HS6ST3: variants seen among roughly 807,000 people sequenced by gnomAD.
The protein encoded by HS6ST3 is heparan-sulfate 6-O-sulfotransferase 3.
Under a neutral mutation model 36.7 loss-of-function variants are expected in HS6ST3, and 12 were observed. That is an observed-to-expected ratio of 0.33 (90% CI 0.21 to 0.53). The LOEUF is 0.53. Ranked by LOEUF, HS6ST3 falls within the 20% of genes least tolerant of loss-of-function variation. HS6ST3 has a pLI of 0.95. For synonymous variants in HS6ST3, 240 were observed against 257.5 expected, an observed-to-expected ratio of 0.93 and a Z score of 0.65; for missense variants, 584 against 640.9, an observed-to-expected ratio of 0.91 and a Z score of 0.96.
chr13:96,591,185 T>G (rs184054042), intron 1 of HS6ST3, among the ~76,000 whole-genome samples: 19 of 152,230 alleles, frequency 1.2e-4, no homozygotes, highest in Admixed American at 1.1e-3. Context: ...CTGAGTCTTT[T>G]GTGGTTCCAC....
chr13:96,583,711 C>G (rs551511176), intron 1 of HS6ST3, among the ~76,000 whole-genome samples: 1 of 152,206 alleles, frequency 6.6e-6, no homozygotes, highest in East Asian at 1.9e-4. Context: ...GTGCTCTTTG[C>G]TTAGAATGCT....
At chr13:96,545,269 A>G (rs1277803051) in intron 1 of HS6ST3, among the ~76,000 whole-genome samples, 1 of 152,208 alleles carries the variant, frequency 6.6e-6, no homozygotes, top group Non-Finnish European at 1.5e-5. Context: ...TTATCCCCAT[A>G]AAAATGGAGT....
At chr13:96,768,410 C>T (rs1566448959) in intron 1 of HS6ST3, among the ~76,000 whole-genome samples, 1 of 152,170 alleles carries the variant, frequency 6.6e-6, no homozygotes, top group South Asian at 2.1e-4. Flanking sequence ...TTTAAGTACA[C>T]GTATAAGCCT....
At chr13:96,121,507 A>T (rs548536348) in intron 1 of HS6ST3, among the ~76,000 whole-genome samples, 12 of 152,222 alleles carry the variant, frequency 7.9e-5, no homozygotes, top group Admixed American at 1.3e-4. Flanking sequence ...AACTTCTTTG[A>T]TGCTATCAAA....
intron 1 of HS6ST3, among the ~76,000 whole-genome samples, chr13:96,704,704 A>AT (rs886394656): frequency 6.6e-5 from 10 of 152,256 alleles, no homozygotes; most frequent in Admixed American, 6.5e-4. Context: ...GATGAAAACT[A>AT]TAAAAACTGG....
intron 1 of HS6ST3, among the ~76,000 whole-genome samples, chr13:96,209,093 T>A (rs578125769): frequency 9.2e-5 from 14 of 152,298 alleles, no homozygotes; most frequent in African/African-American, 3.1e-4. Context: ...CAATTGTAAA[T>A]AAGTTTTGAA....
chr13:96,311,157 G>A (rs2054939290), intron 1 of HS6ST3, among the ~76,000 whole-genome samples: 1 of 152,166 alleles, frequency 6.6e-6, no homozygotes. Flanking sequence ...CCACATTTAT[G>A]AAAAGAATCC....
In HS6ST3 at chr13:96,443,352, A is replaced by C. The variant is rs1006998810; in HGVS notation, c.707+351783A>C. 2.0e-5 allele frequency among the ~76,000 whole-genome samples: 3 copies of C among 152,118 alleles called. No individual in the cohort carries two copies. In the East Asian group the frequency reaches 5.8e-4, roughly 29 times the overall value. ...GAGACCATCCTGGCTAACATGGTGA[A>C]ACCCTGGCTCTACTAAAATTACAAA... On this transcript the variant is annotated intron_variant, in intron 1 of 1. Coordinates refer to ENST00000376705, the MANE Select transcript of HS6ST3 (RefSeq NM_153456.4).
chr13:96,503,215 C>CAGG (rs2056012542), intron 1 of HS6ST3, among the ~76,000 whole-genome samples: 1 of 152,108 alleles, frequency 6.6e-6, no homozygotes, highest in Non-Finnish European at 1.5e-5. Context: ...CCTATTCCTC[C>CAGG]TCCTTCTCCT....
intron 1 of HS6ST3, among the ~76,000 whole-genome samples, chr13:96,297,603 T>G (rs2054861277): frequency 2.0e-5 from 3 of 152,176 alleles, no homozygotes; most frequent in Non-Finnish European, 4.4e-5. Flanking sequence ...AATCATTCTC[T>G]GTGCCCTTGT....
At chr13:96,354,667 A>T (rs1375315614) in intron 1 of HS6ST3, among the ~76,000 whole-genome samples, 1 of 152,202 alleles carries the variant, frequency 6.6e-6, no homozygotes, top group African/African-American at 2.4e-5. Context: ...CATTACAACA[A>T]TGTAAATTGC....
At chr13:96,356,779 A>G (rs1041261499) in intron 1 of HS6ST3, among the ~76,000 whole-genome samples, 9 of 152,220 alleles carry the variant, frequency 5.9e-5, no homozygotes, top group Non-Finnish European at 1.2e-4. Context: ...ATTAGACTCT[A>G]ACAAGAGAGT....
intron 1 of HS6ST3, among the ~76,000 whole-genome samples, chr13:96,206,252 C>G (rs2054369790): frequency 6.6e-6 from 1 of 152,142 alleles, no homozygotes; most frequent in Non-Finnish European, 1.5e-5. Context: ...ATACAGCTAA[C>G]TAGGGAAGTG....
At chr13:96,830,482 G>GTCTA (rs1878755033) in intron 1 of HS6ST3, among the ~76,000 whole-genome samples, 1 of 152,168 alleles carries the variant, frequency 6.6e-6, no homozygotes, top group African/African-American at 2.4e-5. Context: ...GACTCCTACT[G>GTCTA]TCTATCTATC....
intron 1 of HS6ST3, among the ~76,000 whole-genome samples, chr13:96,203,673 A>C (rs976188270): frequency 6.6e-6 from 1 of 152,202 alleles, no homozygotes; most frequent in African/African-American, 2.4e-5. Flanking sequence ...GGATGCTAGA[A>C]GCCAAATACC....
chr13:96,776,802 A>G (rs1873581065), intron 1 of HS6ST3, among the ~76,000 whole-genome samples: 1 of 152,228 alleles, frequency 6.6e-6, no homozygotes, highest in South Asian at 2.1e-4. Context: ...AACTATTCCA[A>G]ACAATAGAAA....
At chr13:96,424,982 G>C (rs2055579438) in intron 1 of HS6ST3, among the ~76,000 whole-genome samples, 1 of 152,104 alleles carries the variant, frequency 6.6e-6, no homozygotes, top group South Asian at 2.1e-4. Flanking sequence ...GATGAATATT[G>C]TAGCAGATTT....
intron 1 of HS6ST3, among the ~76,000 whole-genome samples, chr13:96,395,668 G>C (rs532167209): frequency 6.6e-6 from 1 of 152,198 alleles, no homozygotes; most frequent in Non-Finnish European, 1.5e-5. Context: ...ATTTTGGGGG[G>C]TCTGTGTGGA....
intron 1 of HS6ST3, among the ~76,000 whole-genome samples, chr13:96,268,433 T>C (rs2054703374): frequency 6.6e-6 from 1 of 151,866 alleles, no homozygotes; most frequent in African/African-American, 2.4e-5. Context: ...ACTCACTCAC[T>C]ATCATGAGAG....
Sources: allele counts gnomAD v4.1 joint callset (sites outside exome capture counted in the v4.1 genomes callset), GRCh38; gene constraint gnomAD v4.1.1; transcripts MANE v1.5; gene names NCBI Gene and HGNC (gene_info 2026-07-23, HGNC 2026-07-21).